Variants in NAV2 observed in about 807,000 individuals in gnomAD.
NAV2 encodes the protein helicase, APC down-regulated 1.
NAV2 carries 54 observed loss-of-function variants against 223.2 expected under a neutral mutation model. That is an observed-to-expected ratio of 0.24 (90% confidence interval 0.19 to 0.30). NAV2 has a LOEUF of 0.30. NAV2 is among the 10% of genes least tolerant of loss of function. The pLI is 1.00. For missense variants in NAV2, 2,806 were observed against 3,147.5 expected (o/e 0.89, Z 2.60); for synonymous variants, 1,279 against 1,239.3 (o/e 1.03, Z -0.67).
chr11:19,455,850 G>A lies in NAV2; in HGVS notation c.75+104823G>A, dbSNP rs114710686. On this transcript the variant is annotated intron_variant, in intron 1 of 37. Coordinates refer to the NAV2 transcript ENST00000360655. Reference sequence around the variant, plus strand: ...GTCCCAGAAATTGCTCTTGAGCAACGCACCAGAACCTACTGCATCAAAAGG... The same window carrying A: ...GTCCCAGAAATTGCTCTTGAGCAACACACCAGAACCTACTGCATCAAAAGG... Among the ~76,000 whole-genome samples, 622 of 152,336 alleles carry A rather than the reference G, an allele frequency of 4.1e-3. 3 individuals are homozygous for A. The highest frequency in any genetic ancestry group is 0.014 in the African/African-American group (593 of 41,582).
At chr11:20,072,478 A>C (rs9667815) in intron 22 of NAV2, among the ~76,000 whole-genome samples, 1 of 151,984 alleles carries the variant, frequency 6.6e-6, no homozygotes, top group African/African-American at 2.4e-5. Context: ...GAAGAAAGTC[A>C]TTGGTAGCTT....
At position 20,080,099 on chromosome 11, in the gene NAV2, C is replaced by T. The variant is rs755116010; in HGVS notation, c.5215C>T (p.Arg1739Cys). ...TGCCCAGTCTGCAGACCTCCGCATC[C>T]GCAGGCAGCACTCCTCAGACAGCGT... is the stretch of plus-strand genomic sequence containing the variant. ...GTAQSADLRI[R>C]RQHSSDSVSS... The change falls in exon 25 of 38, where the codon CGC (arginine) becomes TGC (cysteine). Residue 1739 changes from arginine to cysteine, a missense_variant. Coordinates refer to ENST00000349880, the MANE Select transcript of NAV2 (RefSeq NM_145117.5). 62 of 1,614,012 alleles carry T rather than the reference C, an allele frequency of 3.8e-5. No homozygotes were observed. The highest frequency in any genetic ancestry group is 1.7e-4 in the Middle Eastern group (1 of 6,054).
chr11:19,963,564 A>G (rs535300917), intron 10 of NAV2, among the ~76,000 whole-genome samples: 6 of 152,358 alleles, frequency 3.9e-5, no homozygotes, highest in African/African-American at 1.4e-4. Context: ...AGGGTAAGGT[A>G]CAGAGGAGTG....
chr11:19,884,284 T>A, intron 5 of NAV2: 1 of 1,610,160 alleles, frequency 6.2e-7, no homozygotes, highest in South Asian at 1.1e-5. Flanking sequence ...TTTTCTTTCC[T>A]ATCATGCAGT....
chr11:19,698,877 G>A (rs575741369), intron 1 of NAV2, among the ~76,000 whole-genome samples: 4 of 152,268 alleles, frequency 2.6e-5, no homozygotes, highest in African/African-American at 9.6e-5. Context: ...AGGAGAAGGA[G>A]GGAGAAGACC....
At chr11:19,351,030 A>G in intron 1 of NAV2, 1 of 1,550,434 alleles carries the variant, frequency 6.4e-7, no homozygotes, top group Non-Finnish European at 8.7e-7. Flanking sequence ...AAAAGAGGGT[A>G]AGTGGCAGAA....
At chr11:20,010,704 A>C (rs1028403551) in intron 11 of NAV2, among the ~76,000 whole-genome samples, 14 of 152,178 alleles carry the variant, frequency 9.2e-5, no homozygotes, top group African/African-American at 3.4e-4. Context: ...ATCTGGGCTC[A>C]AACCTCCTAG....
intron 6 of NAV2, among the ~76,000 whole-genome samples, chr11:19,911,924 T>C (rs192615035): frequency 2.6e-4 from 40 of 152,322 alleles, no homozygotes; most frequent in South Asian, 8.3e-4. Context: ...TAAATTCTAG[T>C]AGGTTTCAGC....
At chr11:19,357,619 C>A (rs1040541016) in intron 1 of NAV2, among the ~76,000 whole-genome samples, 5 of 152,102 alleles carry the variant, frequency 3.3e-5, no homozygotes, top group African/African-American at 1.2e-4. Context: ...GGGTGGGTGG[C>A]TGCTGCTACT....
chr11:19,857,733 G>T (rs1010866907), intron 3 of NAV2, among the ~76,000 whole-genome samples: 3 of 152,266 alleles, frequency 2.0e-5, no homozygotes, highest in Admixed American at 6.5e-5. Flanking sequence ...CTGCAAAAAC[G>T]ACTTGATTTT....
chr11:19,579,807 C>T (rs543287408), intron 1 of NAV2, among the ~76,000 whole-genome samples: 2 of 152,136 alleles, frequency 1.3e-5, no homozygotes, highest in Non-Finnish European at 2.9e-5. Context: ...GAATGATTGG[C>T]TTTGAGCATC....
At chr11:19,742,202 T>C (rs1343824045) in intron 1 of NAV2, among the ~76,000 whole-genome samples, 3 of 152,222 alleles carry the variant, frequency 2.0e-5, no homozygotes, top group Non-Finnish European at 4.4e-5. Context: ...GACCATGGAC[T>C]CAGCAGTCAT....
chr11:20,025,409 A>C (rs973489476), intron 11 of NAV2, among the ~76,000 whole-genome samples: 3 of 152,254 alleles, frequency 2.0e-5, no homozygotes, highest in African/African-American at 4.8e-5. Context: ...GGCAAAAGCC[A>C]GCCAGCAGTG....
intron 1 of NAV2, chr11:19,351,083 A>T: frequency 6.8e-7 from 1 of 1,475,268 alleles, no homozygotes; most frequent in Non-Finnish European, 9.3e-7. Context: ...GCTAAGTGTG[A>T]TTCAGAGAGC....
intron 1 of NAV2, among the ~76,000 whole-genome samples, chr11:19,497,176 T>G (rs1442148560): frequency 6.6e-6 from 1 of 152,264 alleles, no homozygotes; most frequent in Admixed American, 6.5e-5. Context: ...TTCACCTCTC[T>G]GTGCATCTCC....
chr11:19,733,435 G>A (rs2051997890), intron 1 of NAV2, among the ~76,000 whole-genome samples: 1 of 152,210 alleles, frequency 6.6e-6, no homozygotes, highest in South Asian at 2.1e-4. Flanking sequence ...TCACCCATGT[G>A]CCTAGGTCTA....
At chr11:19,347,056 AAC>A (rs945826054), upstream of NAV2, among the ~76,000 whole-genome samples, 8 of 152,314 alleles carry the variant, frequency 5.3e-5, no homozygotes, top group African/African-American at 1.7e-4. Context: ...AGATTTAAAA[AAC>A]AGTTTCCCCA....
At chr11:19,528,928 C>CAAAAA (rs528321807) in intron 1 of NAV2, among the ~76,000 whole-genome samples, 2 of 82,370 alleles carry the variant, frequency 2.4e-5, no homozygotes, top group Admixed American at 1.4e-4. Context: ...GACTCCATCT[C>CAAAAA]AAAAAAAAAA....
At chr11:19,703,135 AT>A (rs989636088) in intron 1 of NAV2, among the ~76,000 whole-genome samples, 1 of 141,002 alleles carries the variant, frequency 7.1e-6, no homozygotes, top group Non-Finnish European at 1.6e-5. Flanking sequence ...AGAAAATAAT[AT>A]TTTTTTAAAT....
Sources: gnomAD v4.1 joint callset for allele counts (sites outside exome capture counted in the v4.1 genomes callset) on GRCh38, gnomAD v4.1.1 for gene constraint, MANE v1.5 for transcripts, NCBI Gene and HGNC (gene_info 2026-07-23, HGNC 2026-07-21) for gene names.